Variants in R3HCC1L observed in about 807,000 individuals in gnomAD.
R3HCC1L encodes coiled-coil domain-containing protein R3HCC1L.
R3HCC1L carries 51 observed loss-of-function variants against 59.9 expected under a neutral mutation model. The observed-to-expected ratio is 0.85, with a 90% CI of 0.68 to 1.07. The LOEUF (loss-of-function observed/expected upper bound fraction) is 1.07. R3HCC1L is among the 50% of genes least tolerant of loss of function. R3HCC1L has a pLI of 0.00. For missense variants in R3HCC1L, 965 were observed against 933.0 expected, an observed-to-expected ratio of 1.03 and a Z score of -0.45; for synonymous variants, 322 against 315.2, an observed-to-expected ratio of 1.02 and a Z score of -0.23.
Position 98,234,443 on chromosome 10 carries a change from C to T in R3HCC1L, c.1962-3C>T. 6.2e-7 allele frequency: 1 copy of T among 1,611,516 alleles called. No homozygotes were observed. Among genetic ancestry groups the T allele is most frequent in the Non-Finnish European group, 8.5e-7 (1 of 1,179,008 alleles). On this transcript the variant is annotated splice_polypyrimidine_tract_variant and splice_region_variant and intron_variant, in intron 6 of 9. Transcript: ENST00000298999. ...GAAATAAAATTGTTTTTTTGTGTTGCAGAAAGAAAGGATTTGATATTAAAT... is the reference window on the plus strand; with the variant it reads ...GAAATAAAATTGTTTTTTTGTGTTGTAGAAAGAAAGGATTTGATATTAAAT...
Position 98,209,255 on chromosome 10 carries a change from A to T in R3HCC1L, c.1141A>T (p.Thr381Ser), listed in dbSNP as rs115106223. ...ITNKACMMDT[T>S]GMSCSDHVTV... ...CAATAAAGCATGTATGATGGACACT[A>T]CAGGTATGTCCTGTAGTGATCATGT... Residue 381 changes from threonine (T) to serine (S), a missense_variant, in exon 5 of 10, where the codon ACA becomes TCA. Physicochemically the swap from Thr to Ser is moderately conservative, Grantham distance 58. Coordinates refer to ENST00000298999, the MANE Select transcript of R3HCC1L (RefSeq NM_001351015.2). 802 of 1,613,966 alleles carry T rather than the reference A, an allele frequency of 5.0e-4. 2 individuals carry two copies. In the African/African-American group the frequency reaches 9.9e-3, roughly 20 times the overall value.
rs368937350 is a variant in R3HCC1L, at chr10:98,194,976, C to T, written c.-14-13125C>T. On this transcript the variant is annotated intron_variant, in intron 4 of 9. Transcript: ENST00000298999. ...CAGTCCCACTACTGGGTATATATTC[C>T]GAGGGAATGAGATTAGATGTTAAAG... Among the ~76,000 whole-genome samples, 8 of 152,120 alleles carry T rather than the reference C, an allele frequency of 5.3e-5. No homozygotes were observed. In the South Asian group the frequency reaches 1.0e-3, roughly 20 times the overall value.
At chr10:98,141,113 T>C (rs1172196098) in intron 1 of R3HCC1L, among the ~76,000 whole-genome samples, 1 of 152,224 alleles carries the variant, frequency 6.6e-6, no homozygotes, top group Non-Finnish European at 1.5e-5. Context: ...AAAATGATGC[T>C]GTAACTATTT....
chr10:98,232,805 C>G (rs1856537234), intron 6 of R3HCC1L, among the ~76,000 whole-genome samples: 1 of 152,276 alleles, frequency 6.6e-6, no homozygotes, highest in South Asian at 2.1e-4. Context: ...AAAAACAATA[C>G]ATAAATGAGC....
Position 98,153,938 on chromosome 10 carries a change from C to T in R3HCC1L, c.-267-2155C>T, listed in dbSNP as rs148406175. Reference sequence around the variant, plus strand: ...CTTTAGGGTCTAAGAGAGCTACTAGCTTCAGCTTTTTCACATACATTGCAA... The same window carrying T: ...CTTTAGGGTCTAAGAGAGCTACTAGTTTCAGCTTTTTCACATACATTGCAA... On this transcript the variant is annotated intron_variant, in intron 1 of 9. Transcript: ENST00000298999. Among the ~76,000 whole-genome samples the T allele has an allele frequency of 2.6e-5, 4 of 152,222 alleles. No homozygotes were observed. In the East Asian group the frequency reaches 7.7e-4, roughly 29 times the overall value.
intron 5 of R3HCC1L, among the ~76,000 whole-genome samples, chr10:98,221,946 T>C (rs1426187114): frequency 1.3e-5 from 2 of 152,224 alleles, no homozygotes; most frequent in Non-Finnish European, 1.5e-5. Flanking sequence ...GGGGATGGCA[T>C]TGAATCTGTA....
At chr10:98,137,383 A>T (rs1383588331) in intron 1 of R3HCC1L, among the ~76,000 whole-genome samples, 1 of 152,208 alleles carries the variant, frequency 6.6e-6, no homozygotes, top group African/African-American at 2.4e-5. Flanking sequence ...ATGAAATGAG[A>T]TGTGACCATA....
chr10:98,235,921 C>T, intron 8 of R3HCC1L, 103 bp from the exon 9 acceptor site: 1 of 1,303,728 alleles, frequency 7.7e-7, no homozygotes, highest in East Asian at 2.3e-5. Flanking sequence ...TGATGCAGCC[C>T]TTGTTAGTCT....
chr10:98,218,815 TTTAGA>T (rs1276384628), intron 5 of R3HCC1L, among the ~76,000 whole-genome samples: 1 of 152,230 alleles, frequency 6.6e-6, no homozygotes, highest in Non-Finnish European at 1.5e-5. Flanking sequence ...TATTTCTTCC[TTTAGA>T]TCTAATAGTA....
chr10:98,232,223 T>G (rs570028177), intron 6 of R3HCC1L, among the ~76,000 whole-genome samples: 2 of 152,184 alleles, frequency 1.3e-5, no homozygotes, highest in African/African-American at 4.8e-5. Context: ...CTCCTGCACT[T>G]AAGCCATCCG....
At chr10:98,242,881 C>T (rs980536985) in intron 9 of R3HCC1L, among the ~76,000 whole-genome samples, 2 of 152,182 alleles carry the variant, frequency 1.3e-5, no homozygotes, top group African/African-American at 4.8e-5. Context: ...ATCCTTTGTG[C>T]TGTCTCCTAG....
chr10:98,240,294 A>G (rs141059932), intron 9 of R3HCC1L, among the ~76,000 whole-genome samples: 1 of 152,284 alleles, frequency 6.6e-6, no homozygotes, highest in East Asian at 1.9e-4. Flanking sequence ...CAACTGAGCA[A>G]GACTCCATCT....
intron 5 of R3HCC1L, among the ~76,000 whole-genome samples, chr10:98,216,407 G>C (rs1475569613): frequency 6.6e-6 from 1 of 152,082 alleles, no homozygotes; most frequent in African/African-American, 2.4e-5. Context: ...CCAGCTACTG[G>C]GGAGGGTGAG....
At chr10:98,152,944 G>GT (rs1472387224) in intron 1 of R3HCC1L, among the ~76,000 whole-genome samples, 13 of 145,752 alleles carry the variant, frequency 8.9e-5, no homozygotes, top group African/African-American at 3.6e-4. Context: ...CGGGAGAGAG[G>GT]TGGGGGGTCA....
At chr10:98,141,748 A>G (rs1845157419) in intron 1 of R3HCC1L, among the ~76,000 whole-genome samples, 1 of 152,168 alleles carries the variant, frequency 6.6e-6, no homozygotes, top group South Asian at 2.1e-4. Context: ...TCTTTGCAGC[A>G]TGGTGGTGGC....
chr10:98,237,839 A>G (rs1483307178), intron 9 of R3HCC1L, among the ~76,000 whole-genome samples: 2 of 152,164 alleles, frequency 1.3e-5, no homozygotes, highest in Non-Finnish European at 2.9e-5. Flanking sequence ...GCTTGCCTGC[A>G]TGGAGCCCAG....
intron 5 of R3HCC1L, among the ~76,000 whole-genome samples, chr10:98,229,368 A>G (rs1288009452): frequency 7.4e-6 from 1 of 134,982 alleles, no homozygotes; most frequent in African/African-American, 2.6e-5. Flanking sequence ...GAATTCACTC[A>G]TGATTTGGCT....
intron 4 of R3HCC1L, among the ~76,000 whole-genome samples, chr10:98,173,856 A>G (rs1848748393): frequency 6.6e-6 from 1 of 152,176 alleles, no homozygotes; most frequent in Non-Finnish European, 1.5e-5. Flanking sequence ...ACTTGTGCCA[A>G]AGATGATGAA....
Position 98,219,051 on chromosome 10 carries a change from A to G in R3HCC1L, c.1785+9152A>G, listed in dbSNP as rs550043837. ...GCCAGCTTCCTGAGTAGCTGGGATT[A>G]TAGGCGCATGCTATTATGCTCAGCT... On this transcript the variant is annotated intron_variant, in intron 5 of 9. Transcript: ENST00000298999. Among the ~76,000 whole-genome samples the G allele has an allele frequency of 2.6e-5, 4 of 152,230 alleles. No individual in the cohort carries two copies. In the East Asian group the frequency reaches 7.7e-4, roughly 29 times the overall value.
Sources: allele counts gnomAD v4.1 joint callset (sites outside exome capture counted in the v4.1 genomes callset), GRCh38; gene constraint gnomAD v4.1.1; transcripts MANE v1.5; gene names NCBI Gene and HGNC (gene_info 2026-07-23, HGNC 2026-07-21).